PLEKHA5: variants seen among roughly 807,000 people sequenced by gnomAD.
PLEKHA5 encodes pleckstrin homology domain containing A5.
Under a neutral mutation model 181.9 loss-of-function variants are expected in PLEKHA5, and 55 were observed. The observed-to-expected ratio is 0.30, with a 90% CI of 0.24 to 0.38. PLEKHA5 has a LOEUF of 0.38. Among genes scored for constraint, PLEKHA5 ranks in the 10% least tolerant of loss-of-function variants. The pLI is 1.00. For missense variants in PLEKHA5, 1,432 were observed against 1,549.5 expected (o/e 0.92, Z 1.27); for synonymous variants, 535 against 529.4 (o/e 1.01, Z -0.15).
rs190218620 is a variant in PLEKHA5, at chr12:19,130,640, A to T, written c.169+510A>T. 6.6e-6 allele frequency: 1 copy of T among 152,578 alleles called. No homozygotes were observed. Among genetic ancestry groups the T allele is most frequent in the African/African-American group, 2.4e-5 (1 of 41,552 alleles). 9.5% of individuals were successfully genotyped at this position (152,578 alleles called of 1,614,324 possible). ...CCAGGAGCGCTGCCTCCTGCCGTGC[A>T]GCTTCCTCCTCCTAGGTGGGACTTG... On this transcript the variant is annotated intron_variant, in intron 2 of 31. Coordinates refer to ENST00000429027, the MANE Select transcript of PLEKHA5 (RefSeq NM_001256470.2). This position sits in a 1 kb window ranked among gnomAD's most constrained non-coding sequence, Gnocchi z 4.5.
chr12:19,358,505 A>G, intron 27 of PLEKHA5, 68 bp downstream of exon 27: 1 of 1,020,980 alleles, frequency 9.8e-7, no homozygotes, highest in African/African-American at 1.6e-5. Flanking sequence ...AATCAGAGTT[A>G]CATGATTGAT....
chr12:19,307,885 C>G (rs1227816251), intron 15 of PLEKHA5, among the ~76,000 whole-genome samples: 1 of 151,282 alleles, frequency 6.6e-6, no homozygotes, highest in Non-Finnish European at 1.5e-5. Context: ...TCTCGGTGTC[C>G]TAAAAGAAAA....
At position 19,253,929 on chromosome 12, in the gene PLEKHA5, C is replaced by CTTTTTTT. The variant is rs762634974; in HGVS notation, c.228-11_228-10insTTTTTTT. ...CCTGCATGTTCTGTTTTTCTTTTTTCCTTTTTTCAGCCATAATGAAAGGAA... is the reference window on the plus strand; with the variant it reads ...CCTGCATGTTCTGTTTTTCTTTTTTCTTTTTTTCTTTTTTCAGCCATAATGAAAGGAA... On this transcript the variant is annotated splice_polypyrimidine_tract_variant and intron_variant, in intron 3 of 31. Transcript: ENST00000429027. 1.4e-5 allele frequency: 21 copies of CTTTTTTT among 1,522,050 alleles called. No homozygotes were observed. In the East Asian group the frequency reaches 4.7e-4, roughly 34 times the overall value. The allele number at this position is 1,522,050 out of a possible 1,614,324, so 94.3% of individuals were successfully genotyped here.
intron 10 of PLEKHA5, among the ~76,000 whole-genome samples, chr12:19,272,143 T>C (rs538904239): frequency 6.6e-6 from 1 of 152,270 alleles, no homozygotes; most frequent in Admixed American, 6.5e-5. Flanking sequence ...TCTCCTAGTG[T>C]GCAGATCATT....
chr12:19,306,593 G>A (rs924534607), intron 15 of PLEKHA5: 1 of 831,276 alleles, frequency 1.2e-6, no homozygotes, highest in Admixed American at 1.7e-5. Flanking sequence ...GGGCCCTAGC[G>A]GCGGGCCCAG....
At chr12:19,142,997 T>G (rs892175354) in intron 3 of PLEKHA5, among the ~76,000 whole-genome samples, 4 of 152,208 alleles carry the variant, frequency 2.6e-5, no homozygotes, top group African/African-American at 9.6e-5. Flanking sequence ...TGAATAATAT[T>G]CCATCATATT....
At chr12:19,269,550 A>G (rs913018152) in intron 8 of PLEKHA5, among the ~76,000 whole-genome samples, 7 of 151,848 alleles carry the variant, frequency 4.6e-5, no homozygotes, top group African/African-American at 1.5e-4. Context: ...GCACACAACT[A>G]AAAGAAAGAG....
chr12:19,134,283 T>C (rs1449455928), intron 3 of PLEKHA5, among the ~76,000 whole-genome samples: 1 of 152,058 alleles, frequency 6.6e-6, no homozygotes, highest in East Asian at 1.9e-4. Flanking sequence ...CCTAAGTAGG[T>C]TTCTCTGGAA....
intron 3 of PLEKHA5, among the ~76,000 whole-genome samples, chr12:19,156,139 G>A (rs1488126280): frequency 6.6e-6 from 1 of 151,522 alleles, no homozygotes; most frequent in East Asian, 1.9e-4. Flanking sequence ...GACCGCCCTG[G>A]AGTATGTTCT....
At chr12:19,234,296 G>C (rs1181034049) in intron 3 of PLEKHA5, among the ~76,000 whole-genome samples, 1 of 152,240 alleles carries the variant, frequency 6.6e-6, no homozygotes, top group Middle Eastern at 3.4e-3. Flanking sequence ...GTGTTATAAT[G>C]ATCTGTTTAC....
chr12:19,332,319 A>AT (rs1222768832), intron 20 of PLEKHA5, among the ~76,000 whole-genome samples: 8 of 151,906 alleles, frequency 5.3e-5, no homozygotes, highest in Admixed American at 2.0e-4. Context: ...CATGCACACT[A>AT]TTTTTTTCTT....
Position 19,343,347 on chromosome 12 carries a change from G to T in PLEKHA5, c.2575G>T (p.Ala859Ser). The T allele has an allele frequency of 6.2e-7, 1 of 1,613,156 alleles. No homozygotes were observed. The highest frequency in any genetic ancestry group is 2.2e-5 in the East Asian group (1 of 44,862). The change falls in exon 22 of 32, where the codon GCA (alanine) becomes TCA (serine). Residue 859 changes from alanine (A) to serine (S), a missense_variant. By Grantham distance (99) the Ala-to-Ser change is moderately conservative (BLOSUM62 1). Transcript: ENST00000429027. The stretch of plus-strand genomic sequence containing the variant: ...GACGGAATCAGCAGGAATTCAGCGT[G>T]CACAGATTCAGAAAGAACTTTGGCG... ...VQTESAGIQR[A>S]QIQKELWRIQ...
chr12:19,254,684 A>G (rs1022887526), intron 4 of PLEKHA5, among the ~76,000 whole-genome samples: 3 of 152,122 alleles, frequency 2.0e-5, no homozygotes, highest in Non-Finnish European at 2.9e-5. Flanking sequence ...TTAGCCGGGC[A>G]TGGTGGAACG....
At chr12:19,208,419 A>AGG (rs10667790) in intron 3 of PLEKHA5, among the ~76,000 whole-genome samples, 1 of 150,334 alleles carries the variant, frequency 6.7e-6, no homozygotes. Flanking sequence ...AAAAAAAAAA[A>AGG]AAGTTCATTT....
At chr12:19,318,735 C>T (rs1471244936) in intron 16 of PLEKHA5, among the ~76,000 whole-genome samples, 1 of 151,942 alleles carries the variant, frequency 6.6e-6, no homozygotes, top group Non-Finnish European at 1.5e-5. Flanking sequence ...CCAGCCTGGC[C>T]AACATGGTGA....
intron 3 of PLEKHA5, among the ~76,000 whole-genome samples, chr12:19,135,465 G>A (rs970579267): frequency 7.2e-5 from 11 of 152,014 alleles, no homozygotes; most frequent in Middle Eastern, 3.2e-3. Context: ...GGAAAACAAG[G>A]AACTCACAAT....
chr12:19,191,701 T>G (rs2051164682), intron 3 of PLEKHA5, among the ~76,000 whole-genome samples: 1 of 152,218 alleles, frequency 6.6e-6, no homozygotes, highest in Admixed American at 6.5e-5. Flanking sequence ...GTTGGGTAGT[T>G]CTGGCTCAGG....
In PLEKHA5 at chr12:19,197,718, GTGTGTGTGTGTGTGTT is replaced by G. The variant is rs1314645176; in HGVS notation, c.228-56220_228-56205del. Reference sequence around the variant, plus strand: ...TGTGTGTGTGTGTGTGTGTGTGTGTGTGTGTGTGTGTGTGTTTAAGTCGCCTCGTTCACTTCCAAGG... The same window carrying G: ...TGTGTGTGTGTGTGTGTGTGTGTGTGTAAGTCGCCTCGTTCACTTCCAAGG... On this transcript the variant is annotated intron_variant, in intron 3 of 31. Coordinates refer to ENST00000429027, the MANE Select transcript of PLEKHA5 (RefSeq NM_001256470.2). Among the ~76,000 whole-genome samples, 930 of 129,860 alleles carry G rather than the reference GTGTGTGTGTGTGTGTT, an allele frequency of 7.2e-3. 8 individuals are homozygous for G. Among genetic ancestry groups the G allele is most frequent in the African/African-American group, 0.022 (668 of 30,658 alleles). The allele number at this position is 129,860 out of a possible 152,430, so 85.2% of individuals were successfully genotyped here. A position where few individuals can be genotyped will look rare whatever the true frequency, so the allele number is the denominator to read the frequency against.
chr12:19,224,331 A>T (rs1043940708), intron 3 of PLEKHA5, among the ~76,000 whole-genome samples: 6 of 152,188 alleles, frequency 3.9e-5, no homozygotes, highest in Non-Finnish European at 8.8e-5. Flanking sequence ...AATGAGATCC[A>T]GGAATGATGA....
Sources: gnomAD v4.1 joint callset for allele counts (sites outside exome capture counted in the v4.1 genomes callset) on GRCh38, gnomAD v4.1.1 for gene constraint, Gnocchi (gnomAD v3.1) non-coding constraint, MANE v1.5 for transcripts, NCBI Gene and HGNC (gene_info 2026-07-23, HGNC 2026-07-21) for gene names.